ERG: variants seen among roughly 807,000 people sequenced by gnomAD.
ERG encodes the protein transcriptional regulator ERG.
A neutral mutation model predicts 55.3 loss-of-function variants in ERG; 9 were observed. The observed-to-expected ratio is 0.16, with a 90% CI of 0.10 to 0.28. The LOEUF is 0.28. ERG is among the 10% of genes least tolerant of loss of function. The pLI, the probability that ERG is intolerant of heterozygous loss-of-function variation, is 1.00. For missense variants in ERG, 434 were observed against 631.6 expected, an observed-to-expected ratio of 0.69 and a Z score of 3.35; for synonymous variants, 223 against 237.3, an observed-to-expected ratio of 0.94 and a Z score of 0.55.
downstream of ERG, among the ~76,000 whole-genome samples, chr21:38,378,210 T>C (rs368103264): frequency 1.1e-4 from 16 of 152,358 alleles, no homozygotes; most frequent in African/African-American, 2.6e-4. Flanking sequence ...ACTTTCTATG[T>C]ATGGACAACA....
intron 3 of ERG, among the ~76,000 whole-genome samples, chr21:38,414,193 G>T (rs2146481541): frequency 6.6e-6 from 1 of 152,254 alleles, no homozygotes; most frequent in South Asian, 2.1e-4. Flanking sequence ...ACCTCTGCCT[G>T]TCTTCACATG....
At position 38,408,661 on chromosome 21, in the gene ERG, G is replaced by A. The variant is rs150785181; in HGVS notation, c.389-4952C>T. ...CCTTTTAACTCCATGAAGAGCCCCA[G>A]TAGTCTCTCTAGTCTCCTCCACACT... is the stretch of plus-strand genomic sequence containing the variant. On this transcript the variant is annotated intron_variant, in intron 3 of 9. Coordinates refer to ENST00000288319, the MANE Select transcript of ERG (RefSeq NM_182918.4). Among the ~76,000 whole-genome samples the A allele has an allele frequency of 2.2e-3, 335 of 152,280 alleles. 1 individual carries two copies. The highest frequency in any genetic ancestry group is 7.5e-3 in the African/African-American group (313 of 41,554).
rs2059978068 is a variant in ERG, at chr21:38,573,789, T to C, written c.-41+1873A>G. ...TCCCCTGAGCCCACTGTTGTTTCTC[T>C]ATACTTTGTCTCTGTGTCTTATTTC... is the stretch of plus-strand genomic sequence containing the variant. On this transcript the variant is annotated intron_variant, in intron 2 of 8. Transcript: ENST00000398897. Among the ~76,000 whole-genome samples, 6 of 152,208 alleles carry C rather than the reference T, an allele frequency of 3.9e-5. No individual in the cohort carries two copies. The South Asian group carries it at 1.2e-3, about 32-fold the overall frequency.
At position 38,638,840 on chromosome 21, in the gene ERG, G is replaced by T. The variant is rs193261797; in HGVS notation, c.-150+22818C>A. Among the ~76,000 whole-genome samples, 381 of 152,292 alleles carry T rather than the reference G, an allele frequency of 2.5e-3. 1 individual carries two copies. Among genetic ancestry groups the T allele is most frequent in the Middle Eastern group, 0.01 (3 of 294 alleles). On this transcript the variant is annotated intron_variant, in intron 1 of 10. Transcript: ENST00000398910. ...CACATCCCCTTTCTGATCCCCTGCA[G>T]CCAGGTAACCATCCTGTGCCTAGCA...
chr21:38,618,295 G>A (rs1008640422), intron 1 of ERG, among the ~76,000 whole-genome samples: 10 of 152,164 alleles, frequency 6.6e-5, no homozygotes, highest in African/African-American at 2.4e-4. Flanking sequence ...ACGAACAGGT[G>A]CATTCAGGAA....
In ERG at chr21:38,634,658, G is replaced by A. The variant is rs184336775; in HGVS notation, c.-150+27000C>T. The stretch of plus-strand genomic sequence containing the variant: ...CTACTGACTTCCATGTTGCCTGCAC[G>A]AAGACCCAATATTCCATTGTTTTTA... On this transcript the variant is annotated intron_variant, in intron 1 of 10. Coordinates refer to the ERG transcript ENST00000398910. Among the ~76,000 whole-genome samples the A allele has an allele frequency of 6.6e-5, 10 of 152,292 alleles. No individual in the cohort carries two copies. The South Asian group carries it at 8.3e-4, about 13-fold the overall frequency.
chr21:38,592,884 G>C (rs2060109388), intron 1 of ERG, among the ~76,000 whole-genome samples: 2 of 152,220 alleles, frequency 1.3e-5, no homozygotes, highest in East Asian at 3.9e-4. Context: ...ATTTCATGTT[G>C]CTTTGGAGGG....
intron 9 of ERG, 124 bp from the exon 10 acceptor site, chr21:38,384,047 C>T: frequency 1.5e-6 from 2 of 1,295,580 alleles, no homozygotes; most frequent in East Asian, 2.5e-5. Flanking sequence ...CCAGGCCTGT[C>T]CGTCCATCCC....
chr21:38,445,538 G>C lies in ERG; in HGVS notation c.102C>G (p.Thr34=), dbSNP rs201152530. Residue 34 remains threonine (T), a synonymous_variant, in exon 2 of 10, where the codon ACC becomes ACG. Coordinates refer to ENST00000288319, the MANE Select transcript of ERG (RefSeq NM_182918.4). The part of the protein sequence containing the change: ...GTPHLAKTEM[T]ASSSSDYGQT... Reference sequence around the variant, plus strand: ...GTCCATAGTCGCTGGAGGAGGACGCGGTCATCTCTGTCTTAGCCAGGTGTG... The same window carrying C: ...GTCCATAGTCGCTGGAGGAGGACGCCGTCATCTCTGTCTTAGCCAGGTGTG... 3 of 1,613,918 alleles carry C rather than the reference G, an allele frequency of 1.9e-6. No individual in the cohort carries two copies. The highest frequency in any genetic ancestry group is 2.5e-6 in the Non-Finnish European group (3 of 1,180,020).
chr21:38,638,226 CTG>C (rs1307247270), intron 1 of ERG, among the ~76,000 whole-genome samples: 2 of 152,198 alleles, frequency 1.3e-5, no homozygotes, highest in African/African-American at 4.8e-5. Context: ...GGTTCCTGCT[CTG>C]TGAGTTGGGA....
At position 38,382,329 on chromosome 21, in the gene ERG, C is replaced by T. The variant is rs964591566; in HGVS notation, c.*1074G>A. 35 of 1,057,014 alleles carry T rather than the reference C, an allele frequency of 3.3e-5. No homozygotes were observed. The highest frequency in any genetic ancestry group is 2.2e-4 in the Admixed American group (4 of 18,438). The allele number at this position is 1,057,014 out of a possible 1,614,324, so 65.5% of individuals were successfully genotyped here. On this transcript the variant is annotated 3_prime_UTR_variant, in exon 10 of 10. Coordinates refer to ENST00000288319, the MANE Select transcript of ERG (RefSeq NM_182918.4). ...GGAGGCCGCCTACCCAAAATGCCTG[C>T]GTGATTTCTGATTGTGGCAGCCAAG... is the stretch of plus-strand genomic sequence containing the variant.
chr21:38,445,936 T>C lies in ERG; in HGVS notation c.19-315A>G, dbSNP rs2058887769. On this transcript the variant is annotated intron_variant, in intron 1 of 9. Transcript: ENST00000288319. ...TTCAAAGGTCTTAGAAGACATCCAATTGCATGTGTCACTATTTGACAAATG... is the reference window on the plus strand; with the variant it reads ...TTCAAAGGTCTTAGAAGACATCCAACTGCATGTGTCACTATTTGACAAATG... 2.0e-5 allele frequency among the ~76,000 whole-genome samples: 3 copies of C among 151,784 alleles called. No homozygotes were observed. In the South Asian group the frequency reaches 6.2e-4, roughly 32 times the overall value.
At chr21:38,534,992 G>A in intron 2 of ERG, among the ~76,000 whole-genome samples, 1 of 152,066 alleles carries the variant, frequency 6.6e-6, no homozygotes, top group East Asian at 1.9e-4. Context: ...ACATGTGCAG[G>A]ATGTGCAGGT....
chr21:38,456,209 A>C (rs1254044750), intron 1 of ERG, among the ~76,000 whole-genome samples: 1 of 152,212 alleles, frequency 6.6e-6, no homozygotes, highest in Non-Finnish European at 1.5e-5. Flanking sequence ...GAGTTGCTAA[A>C]AAGTTCCTAT....
intron 2 of ERG, among the ~76,000 whole-genome samples, chr21:38,514,196 G>A (rs1222866963): frequency 1.3e-5 from 2 of 151,072 alleles, no homozygotes; most frequent in African/African-American, 4.9e-5. Flanking sequence ...CAGGCCAGAC[G>A]GATTTATCAG....
At chr21:38,517,920 TAG>T (rs1042272959) in intron 2 of ERG, among the ~76,000 whole-genome samples, 60 of 152,030 alleles carry the variant, frequency 3.9e-4, no homozygotes, top group African/African-American at 1.4e-3. Flanking sequence ...GTCATGGAGA[TAG>T]AGAGTGGAAT....
intron 2 of ERG, among the ~76,000 whole-genome samples, chr21:38,558,720 G>A (rs574332116): frequency 3.9e-5 from 6 of 152,220 alleles, no homozygotes; most frequent in South Asian, 2.1e-4. Context: ...AAATCTCCCC[G>A]ATTTACTTAA....
intron 2 of ERG, among the ~76,000 whole-genome samples, chr21:38,539,517 C>T (rs16996414): frequency 0.011 from 1,712 of 152,250 alleles, 31 homozygotes; most frequent in African/African-American, 0.039. Flanking sequence ...CCTATGTTCA[C>T]TGTTCTAGAC....
At chr21:38,526,373 A>G (rs1342480777) in intron 2 of ERG, among the ~76,000 whole-genome samples, 1 of 152,234 alleles carries the variant, frequency 6.6e-6, no homozygotes, top group Non-Finnish European at 1.5e-5. Flanking sequence ...AATATTAATC[A>G]TAATTTTGTC....
Sources: gnomAD v4.1 joint callset for allele counts (sites outside exome capture counted in the v4.1 genomes callset) on GRCh38, gnomAD v4.1.1 for gene constraint, MANE v1.5 for transcripts, NCBI Gene and HGNC (gene_info 2026-07-23, HGNC 2026-07-21) for gene names.